NDUFAF2: variants seen among roughly 807,000 people sequenced by gnomAD.
NDUFAF2 encodes NADH dehydrogenase [ubiquinone] 1 alpha subcomplex assembly factor 2.
In NDUFAF2, 13 loss-of-function variants were observed where a neutral mutation model predicts 22.8. The observed-to-expected ratio is 0.57, with a 90% CI of 0.37 to 0.91. The LOEUF (loss-of-function observed/expected upper bound fraction) is 0.91. NDUFAF2 is among the 40% of genes least tolerant of loss of function. The pLI is 0.01. For missense variants in NDUFAF2, 162 were observed against 195.2 expected, an observed-to-expected ratio of 0.83 and a Z score of 1.01; for synonymous variants, 53 against 64.2, an observed-to-expected ratio of 0.83 and a Z score of 0.84.
intron 1 of NDUFAF2, among the ~76,000 whole-genome samples, chr5:60,983,743 C>A (rs1188629573): frequency 2.0e-5 from 3 of 150,806 alleles, no homozygotes; most frequent in Non-Finnish European, 4.5e-5. Context: ...GGGCTCTGTT[C>A]TGTTCCATTG....
At chr5:60,960,845 T>A (rs1750674399) in intron 1 of NDUFAF2, among the ~76,000 whole-genome samples, 1 of 152,166 alleles carries the variant, frequency 6.6e-6, no homozygotes, top group South Asian at 2.1e-4. Flanking sequence ...ACAAATTGCA[T>A]CCTTTGCTAG....
At chr5:61,033,962 C>A (rs1026063444) in intron 1 of NDUFAF2, among the ~76,000 whole-genome samples, 4 of 152,088 alleles carry the variant, frequency 2.6e-5, no homozygotes. Context: ...ACATCTGTGA[C>A]TTATGGCCTA....
chr5:61,086,671 A>C (rs981861938), intron 2 of NDUFAF2, among the ~76,000 whole-genome samples: 6 of 152,152 alleles, frequency 3.9e-5, no homozygotes, highest in African/African-American at 7.2e-5. Flanking sequence ...AAAACTAATA[A>C]ACTTTTAGAA....
intron 1 of NDUFAF2, among the ~76,000 whole-genome samples, chr5:61,060,027 A>G (rs1752144695): frequency 6.6e-6 from 1 of 152,200 alleles, no homozygotes; most frequent in Admixed American, 6.5e-5. Context: ...GCTTGGAGTC[A>G]TAGAAATGCT....
At chr5:61,006,539 G>A (rs932116789) in intron 1 of NDUFAF2, among the ~76,000 whole-genome samples, 4 of 152,098 alleles carry the variant, frequency 2.6e-5, no homozygotes, top group African/African-American at 9.7e-5. Context: ...GGGCAGTGTG[G>A]CCATTTTCAC....
intron 2 of NDUFAF2, among the ~76,000 whole-genome samples, chr5:61,089,908 G>A (rs1752546516): frequency 6.6e-6 from 1 of 151,598 alleles, no homozygotes. Flanking sequence ...GTATTCAATT[G>A]AAGTATTTTT....
At chr5:61,062,404 A>G (rs778941445) in intron 1 of NDUFAF2, among the ~76,000 whole-genome samples, 8 of 152,120 alleles carry the variant, frequency 5.3e-5, no homozygotes, top group Non-Finnish European at 4.4e-5. Context: ...GAAGAATTCA[A>G]TCAATGAAAT....
intron 2 of NDUFAF2, among the ~76,000 whole-genome samples, chr5:61,092,338 C>T (rs776072790): frequency 1.3e-5 from 2 of 151,994 alleles, no homozygotes; most frequent in Non-Finnish European, 2.9e-5. Flanking sequence ...ATTGATTCTT[C>T]CAGTCCGTGC....
chr5:61,088,786 A>G (rs904033744), intron 2 of NDUFAF2, among the ~76,000 whole-genome samples: 2 of 152,126 alleles, frequency 1.3e-5, no homozygotes, highest in Non-Finnish European at 2.9e-5. Context: ...TCTTATTTTT[A>G]TAGTCCTTTA....
intron 1 of NDUFAF2, among the ~76,000 whole-genome samples, chr5:60,994,233 C>G (rs1751199014): frequency 6.6e-6 from 1 of 152,268 alleles, no homozygotes; most frequent in Admixed American, 6.5e-5. Flanking sequence ...GCAGACACTT[C>G]TGAGCCTGTT....
intron 1 of NDUFAF2, among the ~76,000 whole-genome samples, chr5:60,945,862 C>T (rs903373193): frequency 6.6e-6 from 1 of 152,226 alleles, no homozygotes; most frequent in African/African-American, 2.4e-5. Context: ...TCTTCAGCGC[C>T]TCGGCTGTCT....
chr5:61,003,638 AT>A (rs1361678581), intron 1 of NDUFAF2, among the ~76,000 whole-genome samples: 22 of 148,308 alleles, frequency 1.5e-4, no homozygotes, highest in African/African-American at 5.2e-4. Context: ...TTGAAAAAAA[AT>A]CTATACTTTT....
chr5:60,980,017 G>A (rs1330097076), intron 1 of NDUFAF2, among the ~76,000 whole-genome samples: 1 of 152,114 alleles, frequency 6.6e-6, no homozygotes, highest in Non-Finnish European at 1.5e-5. Flanking sequence ...GGGAATCCAG[G>A]GAATTCTGCA....
At chr5:61,025,178 G>A (rs987500578) in intron 1 of NDUFAF2, among the ~76,000 whole-genome samples, 5 of 151,940 alleles carry the variant, frequency 3.3e-5, no homozygotes, top group African/African-American at 7.2e-5. Flanking sequence ...CTTCTCTGAG[G>A]TAAAGGACTG....
intron 2 of NDUFAF2, among the ~76,000 whole-genome samples, chr5:61,075,981 C>G (rs914165114): frequency 6.6e-6 from 1 of 152,042 alleles, no homozygotes; most frequent in Non-Finnish European, 1.5e-5. Flanking sequence ...AGACAATACA[C>G]CAGATAAATA....
chr5:61,010,480 C>A (rs1169091523), intron 1 of NDUFAF2, among the ~76,000 whole-genome samples: 1 of 152,076 alleles, frequency 6.6e-6, no homozygotes, highest in Non-Finnish European at 1.5e-5. Flanking sequence ...CTGCATTCAA[C>A]TCTTCCATTT....
chr5:61,100,884 C>T (rs1169825539), intron 3 of NDUFAF2, among the ~76,000 whole-genome samples: 4 of 152,036 alleles, frequency 2.6e-5, no homozygotes, highest in Admixed American at 1.3e-4. Context: ...TTATGTTTGC[C>T]AACATCCAAG....
At chr5:61,132,616 C>A (rs1753126273) in intron 3 of NDUFAF2, among the ~76,000 whole-genome samples, 1 of 152,164 alleles carries the variant, frequency 6.6e-6, no homozygotes, top group Non-Finnish European at 1.5e-5. Flanking sequence ...CTAGCCTTTT[C>A]AGTTTCTCTT....
At chr5:61,032,321 T>C (rs578162184) in intron 1 of NDUFAF2, among the ~76,000 whole-genome samples, 112 of 152,330 alleles carry the variant, frequency 7.4e-4, no homozygotes, top group African/African-American at 2.6e-3. Flanking sequence ...TCTTGAATGG[T>C]ATTGCCTAGG....
Sources: allele counts gnomAD v4.1 joint callset (sites outside exome capture counted in the v4.1 genomes callset), GRCh38; gene constraint gnomAD v4.1.1; transcripts MANE v1.5; gene names NCBI Gene and HGNC (gene_info 2026-07-23, HGNC 2026-07-21).